SUGCT: variants seen among roughly 807,000 people sequenced by gnomAD.
The protein encoded by SUGCT is succinyl-CoA:glutarate-CoA transferase, also known as succinyl-CoA:glutarate CoA-transferase.
SUGCT carries 41 observed loss-of-function variants against 55.0 expected under a neutral mutation model. The observed-to-expected ratio is 0.74, with a 90% CI of 0.58 to 0.97. SUGCT has a LOEUF of 0.97. SUGCT is among the 50% of genes least tolerant of loss of function. The pLI is 0.00. For synonymous variants in SUGCT, 187 were observed against 200.4 expected (o/e 0.93, Z 0.56); for missense variants, 568 against 547.8 (o/e 1.04, Z -0.37).
chr7:40,899,312 G>T, the SUGCT span, among the ~76,000 whole-genome samples: 1 of 152,106 alleles, frequency 6.6e-6, no homozygotes, highest in African/African-American at 2.4e-5. Context: ...TTAAGGCAAG[G>T]CCCTTTATTT....
the SUGCT span, among the ~76,000 whole-genome samples, chr7:41,033,604 G>A: frequency 6.6e-6 from 1 of 152,144 alleles, no homozygotes; most frequent in Non-Finnish European, 1.5e-5. Context: ...TCTGGAGGGA[G>A]GGGATGGGAG....
chr7:40,499,467 A>T, intron 12 of SUGCT: 1 of 190,116 alleles, frequency 5.3e-6, no homozygotes, highest in South Asian at 9.3e-5. Flanking sequence ...AAAACAACAG[A>T]TGATATTTTT....
chr7:40,440,356 C>T (rs190420164), intron 9 of SUGCT, among the ~76,000 whole-genome samples: 58 of 151,678 alleles, frequency 3.8e-4, no homozygotes, highest in African/African-American at 1.2e-3. Context: ...GACGGGGTTT[C>T]GCTAATGTTG....
chr7:40,654,896 A>G (rs1334675487), intron 12 of SUGCT, among the ~76,000 whole-genome samples: 1 of 152,198 alleles, frequency 6.6e-6, no homozygotes, highest in Non-Finnish European at 1.5e-5. Flanking sequence ...AATAGACAAT[A>G]CAATTAGAGG....
intron 6 of SUGCT, chr7:40,217,368 A>C (rs1787727516): frequency 2.4e-6 from 1 of 424,034 alleles, no homozygotes; most frequent in Admixed American, 2.5e-5. Context: ...GTGCCACTAC[A>C]CCAGGCTAAT....
intron 12 of SUGCT, among the ~76,000 whole-genome samples, chr7:40,531,038 G>A (rs1350534762): frequency 6.6e-6 from 1 of 152,126 alleles, no homozygotes; most frequent in African/African-American, 2.4e-5. Context: ...CTTCTCATAT[G>A]GTCATGGAAG....
intron 12 of SUGCT, among the ~76,000 whole-genome samples, chr7:40,712,132 T>C (rs969979082): frequency 6.6e-6 from 1 of 152,246 alleles, no homozygotes; most frequent in Non-Finnish European, 1.5e-5. Flanking sequence ...CTGCAGCTTC[T>C]TTGCTTGGTA....
chr7:40,894,398 T>C, the SUGCT span, among the ~76,000 whole-genome samples: 10 of 152,136 alleles, frequency 6.6e-5, no homozygotes, highest in African/African-American at 2.2e-4. Context: ...ATTCTGGACA[T>C]AGGACCTGGC....
chr7:40,848,039 G>A (rs1421890696), intron 13 of SUGCT, among the ~76,000 whole-genome samples: 1 of 152,124 alleles, frequency 6.6e-6, no homozygotes, highest in African/African-American at 2.4e-5. Flanking sequence ...ACAAGGGCGT[G>A]CCAATTATAA....
chr7:40,975,559 T>C, the SUGCT span, among the ~76,000 whole-genome samples: 1 of 152,232 alleles, frequency 6.6e-6, no homozygotes, highest in African/African-American at 2.4e-5. Context: ...TTTGATTCAA[T>C]GATTCTTCAG....
At chr7:40,959,005 C>T in the SUGCT span, among the ~76,000 whole-genome samples, 1 of 152,210 alleles carries the variant, frequency 6.6e-6, no homozygotes, top group Non-Finnish European at 1.5e-5. Flanking sequence ...GGCTGCAGAA[C>T]AGCAATGATT....
intron 9 of SUGCT, among the ~76,000 whole-genome samples, chr7:40,347,155 G>A (rs1043141888): frequency 1.3e-5 from 2 of 152,184 alleles, no homozygotes; most frequent in Non-Finnish European, 2.9e-5. Context: ...ATTGTTGGTA[G>A]AAGTATGGAC....
intron 12 of SUGCT, among the ~76,000 whole-genome samples, chr7:40,529,422 G>A (rs1354227502): frequency 6.6e-6 from 1 of 152,202 alleles, no homozygotes; most frequent in African/African-American, 2.4e-5. Context: ...GAGTAGTGGA[G>A]GATGCAGAAT....
At chr7:40,500,454 C>G (rs750051747) in intron 12 of SUGCT, among the ~76,000 whole-genome samples, 70 of 152,150 alleles carry the variant, frequency 4.6e-4, no homozygotes, top group Non-Finnish European at 5.7e-4. Context: ...AAACCCCACC[C>G]TGTGGCAGCA....
chr7:40,903,096 A>G, the SUGCT span, among the ~76,000 whole-genome samples: 2 of 149,386 alleles, frequency 1.3e-5, no homozygotes. Flanking sequence ...CAGTGGTGCG[A>G]TCTCGGCTCA....
intron 13 of SUGCT, among the ~76,000 whole-genome samples, chr7:40,836,290 A>G (rs1158312557): frequency 6.6e-6 from 1 of 152,202 alleles, no homozygotes; most frequent in Non-Finnish European, 1.5e-5. Context: ...TTGTCTTTTC[A>G]TAGCTTTTAA....
chr7:40,556,111 T>C (rs140473614), intron 12 of SUGCT, among the ~76,000 whole-genome samples: 1 of 152,306 alleles, frequency 6.6e-6, no homozygotes, highest in Non-Finnish European at 1.5e-5. Context: ...TACATATTGT[T>C]TGCCCTGTGC....
At chr7:40,309,167 T>G (rs1005997243) in intron 8 of SUGCT, among the ~76,000 whole-genome samples, 1 of 152,198 alleles carries the variant, frequency 6.6e-6, no homozygotes, top group African/African-American at 2.4e-5. Flanking sequence ...TTCTTGATAT[T>G]TTCCTGTATA....
intron 11 of SUGCT, among the ~76,000 whole-genome samples, chr7:40,466,553 A>C (rs1162262786): frequency 6.6e-6 from 1 of 152,200 alleles, no homozygotes; most frequent in Non-Finnish European, 1.5e-5. Context: ...CAAGACAGTG[A>C]ATTTCTTATG....
Sources: gnomAD v4.1 joint callset for allele counts (sites outside exome capture counted in the v4.1 genomes callset) on GRCh38, gnomAD v4.1.1 for gene constraint, MANE v1.5 for transcripts, NCBI Gene and HGNC (gene_info 2026-07-23, HGNC 2026-07-21) for gene names.